Variants in ZCCHC17 observed in about 807,000 individuals in gnomAD.
ZCCHC17 encodes zinc finger CCHC-type containing 17.
In ZCCHC17, 18 loss-of-function variants were observed where a neutral mutation model predicts 30.6. The observed-to-expected ratio is 0.59, with a 90% CI of 0.41 to 0.87. The LOEUF (loss-of-function observed/expected upper bound fraction) is 0.87. Among genes scored for constraint, ZCCHC17 ranks in the 40% least tolerant of loss-of-function variants. The pLI, the probability that ZCCHC17 is intolerant of heterozygous loss-of-function variation, is 0.00. For synonymous variants in ZCCHC17, 88 were observed against 92.4 expected, an observed-to-expected ratio of 0.95 and a Z score of 0.27; for missense variants, 263 against 284.2, an observed-to-expected ratio of 0.93 and a Z score of 0.54.
chr1:31,361,957 C>T (rs961897780), intron 7 of ZCCHC17, among the ~76,000 whole-genome samples: 2 of 151,982 alleles, frequency 1.3e-5, no homozygotes, highest in African/African-American at 4.8e-5. Flanking sequence ...GACTACAGGC[C>T]CGCGTAACCA....
chr1:31,336,978 T>G (rs757272831), intron 3 of ZCCHC17, 197 bp from the exon 4 acceptor site: 2 of 457,964 alleles, frequency 4.4e-6, no homozygotes, highest in African/African-American at 2.0e-5. Context: ...CCGGCCACTT[T>G]GAGCATTATT....
intron 5 of ZCCHC17, among the ~76,000 whole-genome samples, chr1:31,344,399 C>G (rs1639164447): frequency 6.6e-6 from 1 of 152,208 alleles, no homozygotes; most frequent in Non-Finnish European, 1.5e-5. Flanking sequence ...AGAAAAGAAT[C>G]ATGTTTTGTT....
intron 2 of ZCCHC17, among the ~76,000 whole-genome samples, chr1:31,317,016 C>CTTTTT (rs1355057900): frequency 7.5e-6 from 1 of 133,922 alleles, no homozygotes; most frequent in East Asian, 2.3e-4. Flanking sequence ...CTATCCCTAA[C>CTTTTT]TTTTTTTCTT....
intron 7 of ZCCHC17, among the ~76,000 whole-genome samples, chr1:31,360,155 T>TTTAGTAGAGA (rs1447899565): frequency 6.6e-6 from 1 of 151,600 alleles, no homozygotes; most frequent in Admixed American, 6.6e-5. Context: ...AATTTTGTTT[T>TTTAGTAGAGA]TGTGTGTGCG....
Position 31,338,998 on chromosome 1 carries a change from T to C in ZCCHC17, c.267T>C (p.Val89=), listed in dbSNP as rs1204940335. ...TAAAAGTATCCCTCTCCATGAAGGT[T>C]GTCAATCAAGGGACTGGGAAAGACC... ...DRIKVSLSMK[V]VNQGTGKDLD... Residue 89 remains valine (V), a synonymous_variant, in exon 5 of 8, where the codon GTT becomes GTC. Coordinates refer to ENST00000344147, the MANE Select transcript of ZCCHC17 (RefSeq NM_016505.4). 6.2e-7 allele frequency: 1 copy of C among 1,612,950 alleles called. No individual in the cohort carries two copies.
At chr1:31,334,036 A>C (rs1319126008) in intron 3 of ZCCHC17, among the ~76,000 whole-genome samples, 2 of 152,200 alleles carry the variant, frequency 1.3e-5, no homozygotes, top group South Asian at 2.1e-4. Flanking sequence ...TCATTACATC[A>C]TAGGGGAAAA....
rs958049636 is a variant in ZCCHC17 at position 31,318,189 on chromosome 1, C to T, written c.67-920C>T. The T allele has an allele frequency of 5.2e-6, 8 of 1,535,132 alleles. No individual in the cohort carries two copies. In the African/African-American group the frequency reaches 1.1e-4, roughly 21 times the overall value. On this transcript the variant is annotated intron_variant, in intron 2 of 7. Transcript: ENST00000344147. ...TAGTTATGGTGAAGCTGAAACAGTG[C>T]TCAAGATGAAGCAGCTAATTGAAGA...
At chr1:31,317,814 T>A (rs1004455825) in intron 2 of ZCCHC17, among the ~76,000 whole-genome samples, 6 of 152,188 alleles carry the variant, frequency 3.9e-5, no homozygotes, top group African/African-American at 7.2e-5. Flanking sequence ...ATCTACTGTA[T>A]ATGCTTTCTA....
intron 3 of ZCCHC17, among the ~76,000 whole-genome samples, chr1:31,331,313 G>T (rs1344212897): frequency 6.6e-6 from 1 of 151,604 alleles, no homozygotes; most frequent in East Asian, 1.9e-4. Context: ...GCTAATTTTT[G>T]TATTTTTTTT....
At chr1:31,338,851 A>C in intron 4 of ZCCHC17, 106 bp from the exon 5 acceptor site, 1 of 693,892 alleles carries the variant, frequency 1.4e-6, no homozygotes, top group South Asian at 1.9e-5. Context: ...TACCTGGTCC[A>C]TTAAAGAAGC....
intron 1 of ZCCHC17, among the ~76,000 whole-genome samples, chr1:31,299,129 A>G (rs1027787602): frequency 2.0e-5 from 3 of 152,238 alleles, no homozygotes; most frequent in African/African-American, 7.2e-5. Flanking sequence ...AAGAAAATGT[A>G]GGTAGTGAAC....
At chr1:31,349,208 T>C (rs1011206211) in intron 7 of ZCCHC17, among the ~76,000 whole-genome samples, 1 of 152,058 alleles carries the variant, frequency 6.6e-6, no homozygotes, top group African/African-American at 2.4e-5. Flanking sequence ...AAAAGAAATT[T>C]TTTTTGTTAA....
chr1:31,300,829 G>A (rs929753557), intron 1 of ZCCHC17, among the ~76,000 whole-genome samples: 2 of 151,892 alleles, frequency 1.3e-5, no homozygotes, highest in South Asian at 2.1e-4. Flanking sequence ...CCAGCTACTC[G>A]GGAGGCTGAG....
In ZCCHC17 at chr1:31,364,415, CA is replaced by C; in HGVS notation, c.*224del. On this transcript the variant is annotated 3_prime_UTR_variant, in exon 8 of 8. Transcript: ENST00000344147. ...TTCCTTATCACTCCTGGTCCCTTTGCAAGTGAACCCTGCAGCTCACCCATTC... is the reference window on the plus strand; with the variant it reads ...TTCCTTATCACTCCTGGTCCCTTTGCAGTGAACCCTGCAGCTCACCCATTC... The C allele has an allele frequency of 1.5e-6, 1 of 682,920 alleles. No homozygotes were observed. The highest frequency in any genetic ancestry group is 2.3e-6 in the Non-Finnish European group (1 of 434,492). 42.3% of individuals were successfully genotyped at this position (682,920 alleles called of 1,614,324 possible). A position where few individuals can be genotyped will look rare whatever the true frequency, so the allele number is the denominator to read the frequency against.
At chr1:31,303,623 G>T (rs920126168) in intron 1 of ZCCHC17, among the ~76,000 whole-genome samples, 1 of 152,040 alleles carries the variant, frequency 6.6e-6, no homozygotes, top group African/African-American at 2.4e-5. Flanking sequence ...GATGTGTAGG[G>T]TTTTTTTCCC....
intron 7 of ZCCHC17, among the ~76,000 whole-genome samples, chr1:31,356,214 TGTATGGTG>T (rs1639639732): frequency 6.6e-6 from 1 of 152,332 alleles, no homozygotes; most frequent in African/African-American, 2.4e-5. Flanking sequence ...AGCCAAGCTA[TGTATGGTG>T]GTAAAGGATA....
At chr1:31,304,610 T>G (rs1245942482) in intron 1 of ZCCHC17, among the ~76,000 whole-genome samples, 1 of 151,506 alleles carries the variant, frequency 6.6e-6, no homozygotes, top group Non-Finnish European at 1.5e-5. Context: ...TTATTTTTTT[T>G]TTTTAGACGG....
At chr1:31,336,832 GT>G (rs11345442) in intron 3 of ZCCHC17, among the ~76,000 whole-genome samples, 110,711 of 144,114 alleles carry the variant, frequency 0.77, 42,876 homozygotes, top group African/African-American at 0.83. Context: ...GCCTGGCCAG[GT>G]TTTTTTTTTT....
At position 31,346,855 on chromosome 1, in the gene ZCCHC17, G is replaced by GGCCTT. The variant is rs1639293754; in HGVS notation, c.418+116_418+120dup. The GGCCTT allele has an allele frequency of 2.6e-6, 4 of 1,532,232 alleles. No homozygotes were observed. In the East Asian group the frequency reaches 9.8e-5, roughly 37 times the overall value. The allele number at this position is 1,532,232 out of a possible 1,614,324, so 94.9% of individuals were successfully genotyped here. A position where few individuals can be genotyped will look rare whatever the true frequency, so the allele number is the denominator to read the frequency against. On this transcript the variant is annotated intron_variant, in intron 6 of 7. Coordinates refer to ENST00000344147, the MANE Select transcript of ZCCHC17 (RefSeq NM_016505.4). ...TTACCCTGTTTTTTAGCCAAGTGAT[G>GGCCTT]GCCTTTGCTGTTTTTTCCACCAGAC...
Sources: allele counts gnomAD v4.1 joint callset (sites outside exome capture counted in the v4.1 genomes callset), GRCh38; gene constraint gnomAD v4.1.1; transcripts MANE v1.5; gene names NCBI Gene and HGNC (gene_info 2026-07-23, HGNC 2026-07-21).